MIA2: variants seen among roughly 807,000 people sequenced by gnomAD.
MIA2 encodes MIA SH3 domain ER export factor 2.
In MIA2, 127 loss-of-function variants were observed where a neutral mutation model predicts 167.8. That is an observed-to-expected ratio of 0.76 (90% CI 0.66 to 0.88). MIA2 has a LOEUF of 0.88. Among genes scored for constraint, MIA2 ranks in the 40% least tolerant of loss-of-function variants. The pLI is 0.00. For missense variants in MIA2, 1,690 were observed against 1,624.7 expected (o/e 1.04, Z -0.69); for synonymous variants, 552 against 541.9 (o/e 1.02, Z -0.26).
intron 23 of MIA2, among the ~76,000 whole-genome samples, chr14:39,375,037 G>A (rs1294808957): frequency 1.3e-5 from 2 of 152,248 alleles, no homozygotes; most frequent in East Asian, 1.9e-4. Flanking sequence ...AGAAAACCAG[G>A]GATTAGACTT....
intron 24 of MIA2, among the ~76,000 whole-genome samples, chr14:39,322,541 A>G (rs2066655400): frequency 1.1e-5 from 1 of 93,884 alleles, no homozygotes; most frequent in Non-Finnish European, 2.3e-5. Flanking sequence ...CTCCGTCTCA[A>G]AAAAAAAAAA....
Position 39,252,730 on chromosome 14 carries a change from C to T in MIA2, c.1568-18C>T, listed in dbSNP as rs756088397. On this transcript the variant is annotated intron_variant, in intron 4 of 28. Transcript: ENST00000640607. The stretch of plus-strand genomic sequence containing the variant: ...GCAAGTATTTTGGAAAAACACATTT[C>T]TTTTTATTTATTTGTAGATATGGTC... The T allele has an allele frequency of 6.4e-7, 1 of 1,573,230 alleles. No homozygotes were observed. The highest frequency in any genetic ancestry group is 8.7e-7 in the Non-Finnish European group (1 of 1,154,142).
At chr14:39,255,870 A>G (rs1233677976) in intron 6 of MIA2, among the ~76,000 whole-genome samples, 1 of 152,234 alleles carries the variant, frequency 6.6e-6, no homozygotes, top group Non-Finnish European at 1.5e-5. Flanking sequence ...ACATGAAAAT[A>G]TTGAATTTAA....
At chr14:39,349,869 A>G (rs1323216741) in intron 28 of MIA2, among the ~76,000 whole-genome samples, 3 of 152,216 alleles carry the variant, frequency 2.0e-5, no homozygotes, top group South Asian at 2.1e-4. Flanking sequence ...AACAGGTGTT[A>G]AGATAGGACA....
chr14:39,358,784 G>T (rs572098206), intron 23 of MIA2, among the ~76,000 whole-genome samples: 42 of 152,302 alleles, frequency 2.8e-4, no homozygotes, highest in African/African-American at 9.6e-4. Flanking sequence ...AGGATCCTCA[G>T]CTGCAGGTCT....
At chr14:39,356,071 A>T (rs190747129), downstream of MIA2, among the ~76,000 whole-genome samples, 8 of 152,296 alleles carry the variant, frequency 5.3e-5, no homozygotes, top group East Asian at 1.5e-3. Flanking sequence ...CCCTCATAAA[A>T]TGAGTTAGGG....
At chr14:39,387,252 CCATT>C (rs1313794917) in exon 24 of MIA2, 20 of 324,876 alleles carry the variant, frequency 6.2e-5, no homozygotes, top group South Asian at 3.7e-4. Context: ...CTTCTAGATG[CCATT>C]CAGAGTATTT....
chr14:39,369,951 T>C (rs1001325414), intron 23 of MIA2, among the ~76,000 whole-genome samples: 1 of 152,262 alleles, frequency 6.6e-6, no homozygotes, highest in Admixed American at 6.5e-5. Flanking sequence ...GGGGGCGATA[T>C]ATTGTCTTTG....
At chr14:39,292,499 A>G (rs1257338404) in intron 10 of MIA2, among the ~76,000 whole-genome samples, 3 of 152,234 alleles carry the variant, frequency 2.0e-5, no homozygotes, top group Non-Finnish European at 4.4e-5. Context: ...CTGTAGATAA[A>G]ATCAAACCAG....
At chr14:39,306,591 A>G (rs2063378190) in intron 17 of MIA2, among the ~76,000 whole-genome samples, 1 of 152,220 alleles carries the variant, frequency 6.6e-6, no homozygotes, top group African/African-American at 2.4e-5. Flanking sequence ...ATTACAATTC[A>G]ACATGAAAGT....
At chr14:39,353,843 C>T (rs2074455443), downstream of MIA2, among the ~76,000 whole-genome samples, 2 of 152,144 alleles carry the variant, frequency 1.3e-5, no homozygotes, top group Admixed American at 1.3e-4. Context: ...CGATAGTTTG[C>T]TGAGAATGTT....
intron 18 of MIA2, among the ~76,000 whole-genome samples, chr14:39,309,970 G>T (rs1362171792): frequency 1.3e-5 from 2 of 150,360 alleles, no homozygotes; most frequent in Non-Finnish European, 1.5e-5. Context: ...ATCATAAAGG[G>T]TAATAAAATG....
chr14:39,335,920 T>G (rs746636686), intron 25 of MIA2, among the ~76,000 whole-genome samples: 17 of 152,228 alleles, frequency 1.1e-4, no homozygotes, highest in Non-Finnish European at 2.2e-4. Flanking sequence ...TCCATGTTGT[T>G]GCAAAGGACA....
At chr14:39,313,477 TG>T in intron 19 of MIA2, 36 bp downstream of exon 19, 1 of 1,208,172 alleles carries the variant, frequency 8.3e-7, no homozygotes. Context: ...TTTTTTGGAA[TG>T]GGAAGAGTAT....
chr14:39,309,137 A>C (rs1473441564), intron 18 of MIA2, among the ~76,000 whole-genome samples: 2 of 152,116 alleles, frequency 1.3e-5, no homozygotes, highest in Admixed American at 1.3e-4. Context: ...CTTCCATATT[A>C]GTCTAGTCCA....
In MIA2 at chr14:39,300,731, G is replaced by A. The variant is rs182845278; in HGVS notation, c.2619+745G>A. ...TACCTAATGTAAATGACGAGTTAAT[G>A]GGTACAGCACACCAACATGGCACAG... On this transcript the variant is annotated intron_variant, in intron 14 of 28. Coordinates refer to ENST00000640607, the MANE Select transcript of MIA2 (RefSeq NM_001329214.4). 2.6e-4 allele frequency among the ~76,000 whole-genome samples: 40 copies of A among 151,314 alleles called. No homozygotes were observed. The East Asian group carries it at 6.6e-3, about 25-fold the overall frequency.
chr14:39,360,318 G>A (rs566885348), intron 23 of MIA2, among the ~76,000 whole-genome samples: 1 of 152,036 alleles, frequency 6.6e-6, no homozygotes. Context: ...TTCTAACTGT[G>A]GTAAGATGAT....
chr14:39,289,993 T>C (rs2060509120), intron 9 of MIA2, among the ~76,000 whole-genome samples: 1 of 152,230 alleles, frequency 6.6e-6, no homozygotes. Context: ...CCCTTGGCAT[T>C]ATATTGGGCC....
intron 6 of MIA2, among the ~76,000 whole-genome samples, chr14:39,259,497 C>T (rs567995389): frequency 1.3e-5 from 2 of 152,142 alleles, no homozygotes; most frequent in South Asian, 4.2e-4. Context: ...ATTTATTTCC[C>T]GTTAGCACTT....
Sources: gnomAD v4.1 joint callset for allele counts (sites outside exome capture counted in the v4.1 genomes callset) on GRCh38, gnomAD v4.1.1 for gene constraint, MANE v1.5 for transcripts, NCBI Gene and HGNC (gene_info 2026-07-23, HGNC 2026-07-21) for gene names.